The following CSMD1 variants were observed in gnomAD, a reference collection of about 807,000 sequenced individuals.
CSMD1 encodes CUB and sushi domain-containing protein 1.
CSMD1 carries 213 observed loss-of-function variants against 417.5 expected under a neutral mutation model. The ratio of observed to expected loss-of-function variants is 0.51; its 90% CI spans 0.46 to 0.57. The LOEUF is 0.57. Among genes scored for constraint, CSMD1 ranks in the 20% least tolerant of loss-of-function variants. The pLI is 0.00. For synonymous variants in CSMD1, 2,862 were observed against 1,736.8 expected, an observed-to-expected ratio of 1.65 and a Z score of -16.11; for missense variants, 6,923 against 4,529.7, an observed-to-expected ratio of 1.53 and a Z score of -15.17.
At chr8:4,150,226 C>G (rs1225575874) in intron 3 of CSMD1, among the ~76,000 whole-genome samples, 2 of 152,136 alleles carry the variant, frequency 1.3e-5, no homozygotes, top group African/African-American at 4.8e-5. Flanking sequence ...GAAAACAGGG[C>G]CATTTTTCCA....
rs146296326 is a variant in CSMD1 at position 3,673,055 on chromosome 8, G to A, written c.1009+35359C>T. Reference sequence around the variant, plus strand: ...CATCTCTAGAAAGTGAGCATTTAGCGGTATGATTGATATACTGTAAATGTT... The same window carrying A: ...CATCTCTAGAAAGTGAGCATTTAGCAGTATGATTGATATACTGTAAATGTT... On this transcript the variant is annotated intron_variant, in intron 7 of 69. Coordinates refer to ENST00000635120, the MANE Select transcript of CSMD1 (RefSeq NM_033225.6). Among the ~76,000 whole-genome samples, 633 of 152,140 alleles carry A rather than the reference G, an allele frequency of 4.2e-3. 1 individual carries two copies. Among genetic ancestry groups the A allele is most frequent in the Non-Finnish European group, 7.0e-3 (474 of 68,000 alleles).
intron 49 of CSMD1, among the ~76,000 whole-genome samples, chr8:3,069,961 C>T (rs187088608): frequency 4.6e-5 from 7 of 152,356 alleles, no homozygotes; most frequent in East Asian, 1.9e-4. Context: ...ACAGGCTTAA[C>T]GCCACACGGA....
chr8:4,520,593 G>A (rs569315034), intron 2 of CSMD1, among the ~76,000 whole-genome samples: 25 of 152,196 alleles, frequency 1.6e-4, no homozygotes, highest in African/African-American at 3.4e-4. Flanking sequence ...TCCTGGGGGC[G>A]AACGCAGAGC....
intron 3 of CSMD1, among the ~76,000 whole-genome samples, chr8:4,356,551 G>C (rs1801443555): frequency 6.6e-6 from 1 of 152,112 alleles, no homozygotes; most frequent in Non-Finnish European, 1.5e-5. Context: ...TTTTAAATAT[G>C]TTTCATTTTA....
intron 3 of CSMD1, among the ~76,000 whole-genome samples, chr8:4,120,658 A>G (rs550784170): frequency 6.6e-6 from 1 of 152,350 alleles, no homozygotes; most frequent in Admixed American, 6.5e-5. Flanking sequence ...CAGTAACTTC[A>G]TCACGTGACT....
At chr8:4,039,156 A>G (rs1797762393) in intron 3 of CSMD1, among the ~76,000 whole-genome samples, 1 of 152,212 alleles carries the variant, frequency 6.6e-6, no homozygotes, top group Non-Finnish European at 1.5e-5. Flanking sequence ...CATGTGTACA[A>G]TCAGTGGAAT....
chr8:4,025,822 A>C (rs1237738811), intron 4 of CSMD1, among the ~76,000 whole-genome samples: 1 of 152,144 alleles, frequency 6.6e-6, no homozygotes, highest in Non-Finnish European at 1.5e-5. Flanking sequence ...TAGTTCTGTT[A>C]ATTATTTTCT....
intron 12 of CSMD1, among the ~76,000 whole-genome samples, chr8:3,419,851 G>C (rs894435208): frequency 6.6e-6 from 1 of 152,128 alleles, no homozygotes; most frequent in South Asian, 2.1e-4. Flanking sequence ...CTGGAAGCAG[G>C]ATAGCAAAGT....
intron 6 of CSMD1, among the ~76,000 whole-genome samples, chr8:3,719,262 A>G (rs1802010674): frequency 6.6e-6 from 1 of 152,036 alleles, no homozygotes; most frequent in Non-Finnish European, 1.5e-5. Flanking sequence ...CGTTTTTACA[A>G]AAACCCCAGT....
intron 1 of CSMD1, among the ~76,000 whole-genome samples, chr8:4,659,476 T>G (rs938826748): frequency 6.6e-6 from 1 of 152,178 alleles, no homozygotes; most frequent in African/African-American, 2.4e-5. Flanking sequence ...AAGGAAGTAC[T>G]GACACAGGCT....
At chr8:3,569,680 A>G (rs557700492) in intron 10 of CSMD1, among the ~76,000 whole-genome samples, 19 of 152,322 alleles carry the variant, frequency 1.2e-4, no homozygotes, top group Admixed American at 1.0e-3. Flanking sequence ...CACTTTCATC[A>G]ACGTGCACTT....
intron 18 of CSMD1, among the ~76,000 whole-genome samples, chr8:3,386,306 G>T (rs977071047): frequency 6.6e-6 from 1 of 152,172 alleles, no homozygotes; most frequent in Non-Finnish European, 1.5e-5. Context: ...CTCTTTCTCA[G>T]CCTGCTCGTG....
intron 7 of CSMD1, among the ~76,000 whole-genome samples, chr8:3,659,156 G>T (rs1798280062): frequency 6.6e-6 from 1 of 152,168 alleles, no homozygotes; most frequent in Admixed American, 6.5e-5. Flanking sequence ...ACTTGTTGCA[G>T]ATTCATGGAA....
At chr8:3,920,729 G>A (rs1158259293) in intron 5 of CSMD1, among the ~76,000 whole-genome samples, 4 of 106,432 alleles carry the variant, frequency 3.8e-5, no homozygotes, top group African/African-American at 1.4e-4. Context: ...CATCTATTGA[G>A]ATGATCCTAT....
intron 12 of CSMD1, among the ~76,000 whole-genome samples, chr8:3,430,632 C>A (rs575016928): frequency 1.7e-4 from 26 of 152,064 alleles, no homozygotes; most frequent in Non-Finnish European, 3.2e-4. Flanking sequence ...AATGGTGAAA[C>A]CACATCTCCA....
chr8:3,656,920 G>T (rs112670558), intron 7 of CSMD1, among the ~76,000 whole-genome samples: 2 of 112,148 alleles, frequency 1.8e-5, no homozygotes, highest in South Asian at 6.6e-4. Flanking sequence ...GCAAGACTCT[G>T]TCTAAAAAAA....
intron 40 of CSMD1, among the ~76,000 whole-genome samples, chr8:3,149,821 G>A (rs987501212): frequency 3.3e-5 from 5 of 152,138 alleles, no homozygotes; most frequent in African/African-American, 9.7e-5. Context: ...GAGCCCCTGT[G>A]CCTTAACTCA....
intron 6 of CSMD1, among the ~76,000 whole-genome samples, chr8:3,709,680 G>GCCTTTTTTTTTTTT (rs1554518393): frequency 3.0e-5 from 1 of 33,694 alleles, no homozygotes; most frequent in African/African-American, 1.1e-4. Context: ...GCAGCAGCAT[G>GCCTTTTTTTTTTTT]TTTTTTTTTT....
intron 3 of CSMD1, among the ~76,000 whole-genome samples, chr8:4,292,616 T>A (rs150034127): frequency 6.6e-6 from 1 of 152,134 alleles, no homozygotes; most frequent in Non-Finnish European, 1.5e-5. Context: ...CATGTAAACA[T>A]GTTGATATTT....
Sources: allele counts gnomAD v4.1 joint callset (sites outside exome capture counted in the v4.1 genomes callset), GRCh38; gene constraint gnomAD v4.1.1; transcripts MANE v1.5; gene names NCBI Gene and HGNC (gene_info 2026-07-23, HGNC 2026-07-21).